CNTN4: variants seen among roughly 807,000 people sequenced by gnomAD.
CNTN4 encodes contactin 4, also known as contactin-4.
CNTN4 carries 77 observed loss-of-function variants against 122.5 expected under a neutral mutation model. The observed-to-expected ratio is 0.63, with a 90% CI of 0.52 to 0.76. CNTN4 has a LOEUF of 0.76. Ranked by LOEUF, CNTN4 falls within the 30% of genes least tolerant of loss-of-function variation. CNTN4 has a pLI of 0.00. For synonymous variants in CNTN4, 512 were observed against 447.0 expected (o/e 1.15, Z -1.83); for missense variants, 1,256 against 1,259.1 (o/e 1.00, Z 0.04).
chr3:2,659,828 A>T (rs2083788832), intron 4 of CNTN4, among the ~76,000 whole-genome samples: 1 of 152,218 alleles, frequency 6.6e-6, no homozygotes, highest in African/African-American at 2.4e-5. Flanking sequence ...TCCTAAATGT[A>T]CACAATAGTT....
In CNTN4 at chr3:2,804,348, G is replaced by A. The variant is rs530492342; in HGVS notation, c.359-15138G>A. ...ATGAGGAAAAACCATCAGGTTATCT[G>A]GAGCAAGACAGCCTGGGTTAGTATT... On this transcript the variant is annotated intron_variant, in intron 6 of 24. Transcript: ENST00000418658. Among the ~76,000 whole-genome samples, 24 of 152,252 alleles carry A rather than the reference G, an allele frequency of 1.6e-4. No individual in the cohort carries two copies. The South Asian group carries it at 4.6e-3, about 29-fold the overall frequency.
At chr3:2,618,223 G>A (rs1470419883) in intron 4 of CNTN4, among the ~76,000 whole-genome samples, 1 of 148,028 alleles carries the variant, frequency 6.8e-6, no homozygotes, top group Non-Finnish European at 1.5e-5. Flanking sequence ...CATAGAAAGT[G>A]TTGTAAAAAT....
Position 3,038,973 on chromosome 3 carries a change from C to T in CNTN4, c.2133C>T (p.Gly711=). The T allele has an allele frequency of 2.5e-6, 4 of 1,614,104 alleles. No individual in the cohort carries two copies. Among genetic ancestry groups the T allele is most frequent in the Non-Finnish European group, 2.5e-6 (3 of 1,179,952 alleles). ...CAGCGAATGTCAGTGGTGGCGGAGG[C>T]AGCAAATCTGAACTGGTTATAACCT... The part of the protein sequence containing the change: ...VTPANVSGGG[G]SKSELVITWE... The change falls in exon 19 of 25, where the codon GGC becomes GGT. Residue 711 remains glycine (G), a synonymous_variant. Coordinates refer to ENST00000418658, the MANE Select transcript of CNTN4 (RefSeq NM_175607.3).
intron 2 of CNTN4, among the ~76,000 whole-genome samples, chr3:2,282,540 A>T (rs1168947717): frequency 1.3e-5 from 2 of 152,124 alleles, no homozygotes; most frequent in African/African-American, 4.8e-5. Flanking sequence ...TTGGATAATA[A>T]TGACTGACCC....
At chr3:2,544,769 T>A (rs1038724708) in intron 3 of CNTN4, among the ~76,000 whole-genome samples, 8 of 151,940 alleles carry the variant, frequency 5.3e-5, no homozygotes, top group South Asian at 2.1e-4. Context: ...TTTTTTTTTT[T>A]AATTAGTCTA....
intron 3 of CNTN4, among the ~76,000 whole-genome samples, chr3:2,423,479 T>G (rs569153811): frequency 6.6e-6 from 1 of 151,192 alleles, no homozygotes; most frequent in East Asian, 1.9e-4. Flanking sequence ...GGTGAAAACT[T>G]GTTTTTTTTT....
At chr3:2,820,961 CTT>C (rs67731967) in intron 7 of CNTN4, among the ~76,000 whole-genome samples, 10 of 107,554 alleles carry the variant, frequency 9.3e-5, no homozygotes, top group Admixed American at 5.5e-4. Flanking sequence ...TTTTCTCTTT[CTT>C]TTTTTTTTTT....
At position 2,268,157 on chromosome 3, in the gene CNTN4, A is replaced by G. The variant is rs1014019049; in HGVS notation, c.-144-71021A>G. Reference sequence around the variant, plus strand: ...GTAGCACAATTAAATGTGCATTTGCATAGCTGTTCGATGATACAGGTAGGA... The same window carrying G: ...GTAGCACAATTAAATGTGCATTTGCGTAGCTGTTCGATGATACAGGTAGGA... On this transcript the variant is annotated intron_variant, in intron 2 of 24. Coordinates refer to ENST00000418658, the MANE Select transcript of CNTN4 (RefSeq NM_175607.3). Among the ~76,000 whole-genome samples, 3 of 152,248 alleles carry G rather than the reference A, an allele frequency of 2.0e-5. No individual in the cohort carries two copies. The East Asian group carries it at 5.8e-4, about 29-fold the overall frequency.
chr3:2,595,575 T>C (rs575041506), intron 4 of CNTN4, among the ~76,000 whole-genome samples: 2 of 152,306 alleles, frequency 1.3e-5, no homozygotes, highest in African/African-American at 4.8e-5. Context: ...GAAGGATAAG[T>C]GGACCCCTTG....
rs929697557 is a variant in CNTN4 at position 2,604,409 on chromosome 3, G to A, written c.55+32851G>A. Reference sequence around the variant, plus strand: ...AAGGTACCAGCTAGGCTTTGGAGACGTTGCAGAAAACAAAAATAGGTAAGG... The same window carrying A: ...AAGGTACCAGCTAGGCTTTGGAGACATTGCAGAAAACAAAAATAGGTAAGG... On this transcript the variant is annotated intron_variant, in intron 4 of 24. Coordinates refer to ENST00000418658, the MANE Select transcript of CNTN4 (RefSeq NM_175607.3). 7.2e-5 allele frequency among the ~76,000 whole-genome samples: 11 copies of A among 152,076 alleles called. No individual in the cohort carries two copies. The East Asian group carries it at 1.7e-3, about 24-fold the overall frequency.
chr3:2,307,804 G>GT (rs1378081800), intron 2 of CNTN4, among the ~76,000 whole-genome samples: 1 of 133,344 alleles, frequency 7.5e-6, no homozygotes, highest in Non-Finnish European at 1.5e-5. Context: ...ATCTGTTGTG[G>GT]TCATAATTCT....
intron 14 of CNTN4, among the ~76,000 whole-genome samples, chr3:3,017,331 C>CT (rs2125561959): frequency 6.6e-6 from 1 of 152,194 alleles, no homozygotes; most frequent in African/African-American, 2.4e-5. Flanking sequence ...GTAAATGTGT[C>CT]TAAAAGAGAT....
At chr3:2,808,442 A>G (rs185555918) in intron 6 of CNTN4, among the ~76,000 whole-genome samples, 7 of 152,320 alleles carry the variant, frequency 4.6e-5, no homozygotes, top group African/African-American at 1.7e-4. Context: ...AAAAAAGGCT[A>G]TAAAGTAAAA....
At chr3:2,169,462 G>A (rs112489226) in intron 2 of CNTN4, among the ~76,000 whole-genome samples, 4,317 of 151,854 alleles carry the variant, frequency 0.028, 197 homozygotes, top group African/African-American at 0.094. Flanking sequence ...GCTGGAGTGC[G>A]GTGGCGCGAT....
chr3:2,312,092 T>C (rs1008443971), intron 2 of CNTN4, among the ~76,000 whole-genome samples: 1 of 151,962 alleles, frequency 6.6e-6, no homozygotes, highest in Non-Finnish European at 1.5e-5. Context: ...GGCGGCAGGA[T>C]CACTGAGCCC....
intron 4 of CNTN4, among the ~76,000 whole-genome samples, chr3:2,572,192 G>C (rs904829624): frequency 6.6e-6 from 1 of 152,164 alleles, no homozygotes; most frequent in South Asian, 2.1e-4. Flanking sequence ...GTTCAGACCA[G>C]CCTGAGTAAC....
At chr3:3,040,002 T>A (rs765468545) in intron 19 of CNTN4, 35 bp from the exon 20 acceptor site, 2 of 1,431,416 alleles carry the variant, frequency 1.4e-6, no homozygotes, top group African/African-American at 1.4e-5. Flanking sequence ...GTGAAACTAC[T>A]GTGATTTCTG....
intron 5 of CNTN4, among the ~76,000 whole-genome samples, chr3:2,743,621 A>T (rs1480154196): frequency 2.0e-5 from 3 of 152,238 alleles, no homozygotes; most frequent in Non-Finnish European, 1.5e-5. Context: ...TCCAGCAAAG[A>T]AGTGAAATAT....
At chr3:2,334,675 T>C (rs1025662100) in intron 2 of CNTN4, among the ~76,000 whole-genome samples, 8 of 152,174 alleles carry the variant, frequency 5.3e-5, no homozygotes, top group African/African-American at 1.7e-4. Flanking sequence ...TATAGGAGAC[T>C]TGTAATCAAT....
Sources: gnomAD v4.1 joint callset for allele counts (sites outside exome capture counted in the v4.1 genomes callset) on GRCh38, gnomAD v4.1.1 for gene constraint, MANE v1.5 for transcripts, NCBI Gene and HGNC (gene_info 2026-07-23, HGNC 2026-07-21) for gene names.